EIF2A: variants seen among roughly 807,000 people sequenced by gnomAD.
EIF2A encodes the protein 65 kDa eukaryotic translation initiation factor 2A.
Under a neutral mutation model 75.2 loss-of-function variants are expected in EIF2A, and 62 were observed. The observed-to-expected ratio is 0.82, with a 90% confidence interval of 0.67 to 1.02. EIF2A has a LOEUF of 1.02. Ranked by LOEUF, EIF2A falls within the 50% of genes least tolerant of loss-of-function variation. EIF2A has a pLI of 0.00. For synonymous variants in EIF2A, 207 were observed against 239.0 expected, an observed-to-expected ratio of 0.87 and a Z score of 1.23; for missense variants, 611 against 677.7, an observed-to-expected ratio of 0.90 and a Z score of 1.09.
At chr3:150,573,290 T>A (rs113742647) in intron 10 of EIF2A, among the ~76,000 whole-genome samples, 22,557 of 152,128 alleles carry the variant, frequency 0.15, 1,695 homozygotes, top group Non-Finnish European at 0.16. Context: ...TCTCACTCTG[T>A]CATCGAGGCT....
chr3:150,570,489 C>T (rs370876438), intron 9 of EIF2A, among the ~76,000 whole-genome samples: 6 of 146,354 alleles, frequency 4.1e-5, no homozygotes, highest in East Asian at 2.0e-4. Context: ...TTGTATGAGC[C>T]GAGAAATTTG....
At chr3:150,572,656 AC>A in intron 10 of EIF2A, 127 bp downstream of exon 10, 1 of 888,718 alleles carries the variant, frequency 1.1e-6, no homozygotes, top group Middle Eastern at 3.4e-4. Flanking sequence ...GGAGTTTGAG[AC>A]CAGACTGGCT....
chr3:150,551,255 A>C (rs534065940), intron 1 of EIF2A, among the ~76,000 whole-genome samples: 34 of 152,210 alleles, frequency 2.2e-4, no homozygotes, highest in Non-Finnish European at 4.3e-4. Flanking sequence ...CAATTATTTG[A>C]TTACTGTTTG....
chr3:150,556,315 C>T (rs986774064), intron 2 of EIF2A, among the ~76,000 whole-genome samples: 2 of 152,078 alleles, frequency 1.3e-5, no homozygotes, highest in African/African-American at 2.4e-5. Context: ...ATATCTTCTA[C>T]GAAAGTTAAA....
rs570324571 is a variant in EIF2A at position 150,575,179 on chromosome 3, T to C, written c.1384-470T>C. On this transcript the variant is annotated intron_variant, in intron 10 of 13. Transcript: ENST00000460851. ...TTCTATTTCATTTATTTTCTTATAA[T>C]CTATTCTTGTTTTTTCATTTGCTTT... Among the ~76,000 whole-genome samples, 22 of 152,344 alleles carry C rather than the reference T, an allele frequency of 1.4e-4. No homozygotes were observed. In the South Asian group the frequency reaches 4.3e-3, roughly 30 times the overall value.
intron 11 of EIF2A, among the ~76,000 whole-genome samples, chr3:150,577,253 C>CATATTACATTGGGTATTAATTAA (rs1401953094): frequency 1.3e-5 from 2 of 152,162 alleles, no homozygotes; most frequent in Non-Finnish European, 2.9e-5. Flanking sequence ...CCTTTTAATA[C>CATATTACATTGGGTATTAATTAA]TATTACATTG....
At chr3:150,560,848 T>C (rs1723816527) in intron 3 of EIF2A, among the ~76,000 whole-genome samples, 1 of 152,084 alleles carries the variant, frequency 6.6e-6, no homozygotes, top group Non-Finnish European at 1.5e-5. Flanking sequence ...GTCAAATCAT[T>C]TTATTTTTCT....
At chr3:150,583,701 T>C (rs1472587956) in intron 13 of EIF2A, 145 bp from the exon 14 acceptor site, 5 of 755,076 alleles carry the variant, frequency 6.6e-6, no homozygotes, top group African/African-American at 2.0e-5. Flanking sequence ...GATAACAAAT[T>C]AGAATTTGTT....
chr3:150,570,178 T>C (rs1724427069), intron 9 of EIF2A, among the ~76,000 whole-genome samples: 1 of 151,994 alleles, frequency 6.6e-6, no homozygotes, highest in Non-Finnish European at 1.5e-5. Flanking sequence ...AAGATAGAAG[T>C]ACTAAGGGGA....
chr3:150,581,122 T>G (rs1434800047), intron 11 of EIF2A, among the ~76,000 whole-genome samples: 1 of 152,232 alleles, frequency 6.6e-6, no homozygotes, highest in Non-Finnish European at 1.5e-5. Context: ...CTGATCATAT[T>G]GGAAGCATTA....
chr3:150,557,360 G>A (rs1723619899), intron 2 of EIF2A, among the ~76,000 whole-genome samples: 1 of 152,136 alleles, frequency 6.6e-6, no homozygotes, highest in African/African-American at 2.4e-5. Context: ...GGTAGTATAG[G>A]ATGGGGAACA....
chr3:150,583,080 ATTG>A, intron 12 of EIF2A, 117 bp from the exon 13 acceptor site: 1 of 816,006 alleles, frequency 1.2e-6, no homozygotes, highest in Non-Finnish European at 1.9e-6. Context: ...TTAACAGACC[ATTG>A]TTGATACAAA....
rs755971824 is a variant in EIF2A at position 150,575,088 on chromosome 3, T to C, written c.1384-561T>C. On this transcript the variant is annotated intron_variant, in intron 10 of 13. Coordinates refer to ENST00000460851, the MANE Select transcript of EIF2A (RefSeq NM_032025.5). ...CTTCATTGTGTAATCTGACAAGCCA[T>C]GTAATTTTTTTTTGGTCTCTTCATA... Among the ~76,000 whole-genome samples, 80 of 152,240 alleles carry C rather than the reference T, an allele frequency of 5.3e-4. 2 individuals carry two copies. The highest frequency in any genetic ancestry group is 1.3e-4 in the Admixed American group (2 of 15,280).
intron 10 of EIF2A, among the ~76,000 whole-genome samples, chr3:150,575,107 C>G (rs1203061867): frequency 2.0e-5 from 3 of 151,930 alleles, no homozygotes; most frequent in African/African-American, 7.2e-5. Flanking sequence ...TTTTTGGTCT[C>G]TTCATATGTC....
intron 6 of EIF2A, chr3:150,564,718 C>G (rs1263632917): frequency 1.6e-5 from 3 of 190,400 alleles, no homozygotes; most frequent in Admixed American, 5.6e-5. Context: ...GTTCTAGTAA[C>G]CATCAGCTTG....
At chr3:150,549,265 C>T (rs2107896548) in intron 1 of EIF2A, among the ~76,000 whole-genome samples, 1 of 146,402 alleles carries the variant, frequency 6.8e-6, no homozygotes, top group Non-Finnish European at 1.5e-5. Flanking sequence ...GTTGCCCAGG[C>T]TGGAGTGCAA....
rs1347780702 is a variant in EIF2A, at chr3:150,575,706, T to C, written c.1441T>C (p.Ser481Pro). The change falls in exon 11 of 14, where the codon TCA becomes CCA. Residue 481 changes from serine to proline, a missense_variant. Coordinates refer to ENST00000460851, the MANE Select transcript of EIF2A (RefSeq NM_032025.5). ...ACAATCAGGAAACGATAAGCCATTA[T>C]CAAAAACAGCTCTTAAAAATCAAAG... The part of the protein sequence containing the change: ...KPQSGNDKPL[S>P]KTALKNQRKH... 2 of 1,613,342 alleles carry C rather than the reference T, an allele frequency of 1.2e-6. No homozygotes were observed. The highest frequency in any genetic ancestry group is 1.7e-5 in the Admixed American group (1 of 59,924).
intron 2 of EIF2A, among the ~76,000 whole-genome samples, chr3:150,554,795 C>A (rs1314819184): frequency 1.3e-5 from 2 of 152,174 alleles, no homozygotes; most frequent in Admixed American, 1.3e-4. Flanking sequence ...TCTCTAGAAC[C>A]TTGCTACAGG....
At chr3:150,551,276 T>C (rs1045276549) in intron 1 of EIF2A, among the ~76,000 whole-genome samples, 1 of 152,204 alleles carries the variant, frequency 6.6e-6, no homozygotes, top group African/African-American at 2.4e-5. Flanking sequence ...CAAAGTTCAA[T>C]GAGGTCAGAG....
Sources: allele counts gnomAD v4.1 joint callset (sites outside exome capture counted in the v4.1 genomes callset), GRCh38; gene constraint gnomAD v4.1.1; transcripts MANE v1.5; gene names NCBI Gene and HGNC (gene_info 2026-07-23, HGNC 2026-07-21).